TDO2: variants seen among roughly 807,000 people sequenced by gnomAD.
TDO2 encodes tryptamin 2,3-dioxygenase.
In TDO2, 63 loss-of-function variants were observed where a neutral mutation model predicts 61.2. That is an observed-to-expected ratio of 1.03 (90% CI 0.84 to 1.27). The LOEUF (loss-of-function observed/expected upper bound fraction) is 1.27. TDO2 is among the 50% of genes most tolerant of loss of function. TDO2 has a pLI of 0.00. For synonymous variants in TDO2, 183 were observed against 164.0 expected, an observed-to-expected ratio of 1.12 and a Z score of -0.89; for missense variants, 494 against 469.5, an observed-to-expected ratio of 1.05 and a Z score of -0.48.
At chr4:155,905,022 C>T in intron 2 of TDO2, 45 bp from the exon 3 acceptor site, 1 of 1,408,140 alleles carries the variant, frequency 7.1e-7, no homozygotes, top group East Asian at 2.5e-5. Flanking sequence ...TTCATAAAAA[C>T]CAAGTTCTGC....
chr4:155,909,006 T>C lies in TDO2; in HGVS notation c.423T>C (p.Asn141=), dbSNP rs1579326973. Residue 141 remains asparagine (N), a synonymous_variant, in exon 5 of 12, where the codon AAT becomes AAC. Coordinates refer to ENST00000536354, the MANE Select transcript of TDO2 (RefSeq NM_005651.4). The stretch of plus-strand genomic sequence containing the variant: ...AGACGATGACAGCCTTGGACTTCAA[T>C]GACTTCAGGTGTGCACATTTGGCAT... The part of the protein sequence containing the change: ...ILETMTALDF[N]DFREYLSPAS... 2 of 1,603,014 alleles carry C rather than the reference T, an allele frequency of 1.2e-6. No homozygotes were observed. The highest frequency in any genetic ancestry group is 1.8e-4 in the Middle Eastern group (1 of 5,684).
chr4:155,908,874 T>C lies in TDO2; in HGVS notation c.304-13T>C. 6.2e-7 allele frequency: 1 copy of C among 1,607,434 alleles called. No individual in the cohort carries two copies. The highest frequency in any genetic ancestry group is 8.5e-7 in the Non-Finnish European group (1 of 1,177,164). On this transcript the variant is annotated splice_polypyrimidine_tract_variant and intron_variant, in intron 4 of 11. Coordinates refer to ENST00000536354, the MANE Select transcript of TDO2 (RefSeq NM_005651.4). ...AGCATTGCTAACTCAGTGTTTCATT[T>C]CTTAACCTTCAGGTCAGAGATGAAA...
chr4:155,915,761 G>T, intron 8 of TDO2, 94 bp from the exon 9 acceptor site: 1 of 982,044 alleles, frequency 1.0e-6, no homozygotes, highest in Non-Finnish European at 1.5e-6. Flanking sequence ...CTAAACACAT[G>T]TAATCCATTA....
At chr4:155,910,242 C>T in intron 6 of TDO2, 31 bp downstream of exon 6, 2 of 1,475,714 alleles carry the variant, frequency 1.4e-6, no homozygotes, top group Non-Finnish European at 1.8e-6. Context: ...TAAAGTTTAA[C>T]TCAATACATC....
chr4:155,911,430 A>G (rs1742827046), intron 6 of TDO2, 67 bp from the exon 7 acceptor site: 2 of 1,192,356 alleles, frequency 1.7e-6, no homozygotes, highest in Non-Finnish European at 2.4e-6. Context: ...AAGTTTATAC[A>G]TGTCGGTTAC....
rs764503054 is a variant in TDO2, at chr4:155,910,089, G to A, written c.496G>A (p.Gly166Ser). Reference protein sequence around the residue: ...LQFRLLENKIGVLQNMRVPYN... With the variant: ...LQFRLLENKISVLQNMRVPYN... ...ATTCCGACTATTAGAAAACAAGATA[G>A]GTGTTCTTCAGAACATGAGAGTCCC... The change falls in exon 6 of 12, where the codon GGT (glycine) becomes AGT (serine). Residue 166 changes from glycine (G) to serine (S), a missense_variant. Gly to Ser is a moderately conservative substitution (Grantham distance 56). Coordinates refer to ENST00000536354, the MANE Select transcript of TDO2 (RefSeq NM_005651.4). 9 of 1,597,784 alleles carry A rather than the reference G, an allele frequency of 5.6e-6. No individual in the cohort carries two copies. The South Asian group carries it at 6.7e-5, about 12-fold the overall frequency.
intron 11 of TDO2, 77 bp from the exon 12 acceptor site, chr4:155,919,760 G>C: frequency 7.8e-7 from 1 of 1,277,846 alleles, no homozygotes; most frequent in Non-Finnish European, 1.1e-6. Context: ...AAATATCTGA[G>C]AAATAAATTT....
rs778957952 is a variant in TDO2, at chr4:155,910,112, C to G, written c.519C>G (p.Val173=). The G allele has an allele frequency of 1.9e-6, 3 of 1,600,384 alleles. No homozygotes were observed. In the South Asian group the frequency reaches 3.4e-5, roughly 18 times the overall value. The change falls in exon 6 of 12, where the codon GTC becomes GTG. Residue 173 remains valine, a synonymous_variant. Coordinates refer to ENST00000536354, the MANE Select transcript of TDO2 (RefSeq NM_005651.4). ...TAGGTGTTCTTCAGAACATGAGAGT[C>G]CCTTATAACAGAAGACATTATCGTG... ...NKIGVLQNMR[V]PYNRRHYRDN... is the part of the protein sequence containing the mutation.
intron 8 of TDO2, 24 bp downstream of exon 8, chr4:155,914,458 C>T (rs143939576): frequency 6.7e-7 from 1 of 1,502,944 alleles, no homozygotes. Context: ...CTTTATGAAT[C>T]TTTTCCCTGG....
At chr4:155,904,238 G>A in intron 2 of TDO2, 115 bp downstream of exon 2, 1 of 702,416 alleles carries the variant, frequency 1.4e-6, no homozygotes, top group East Asian at 2.7e-5. Context: ...ATCGTTTTCT[G>A]GACCTAAGGA....
chr4:155,903,763 G>A lies in TDO2; in HGVS notation c.5G>A (p.Ser2Asn), dbSNP rs760062469. The change falls in exon 1 of 12, where the codon AGT becomes AAT. Residue 2 changes from serine to asparagine, a missense_variant. Ser to Asn is a conservative substitution (Grantham distance 46). Coordinates refer to ENST00000536354, the MANE Select transcript of TDO2 (RefSeq NM_005651.4). ...CTCAGACAGTGCCTTTTCACCATGAGTGGGTGCCCATTTTTAGGAAACAAC... is the reference window on the plus strand; with the variant it reads ...CTCAGACAGTGCCTTTTCACCATGAATGGGTGCCCATTTTTAGGAAACAAC... The part of the protein sequence containing the change: M[S>N]GCPFLGNNFG... The A allele has an allele frequency of 1.2e-6, 2 of 1,614,044 alleles. No individual in the cohort carries two copies. The highest frequency in any genetic ancestry group is 4.5e-5 in the East Asian group (2 of 44,888).
At chr4:155,909,625 T>C (rs76908119) in intron 5 of TDO2, among the ~76,000 whole-genome samples, 229 of 152,148 alleles carry the variant, frequency 1.5e-3, no homozygotes, top group African/African-American at 5.4e-3. Flanking sequence ...AGATATAATA[T>C]GGGGAGTGGG....
At chr4:155,917,332 GCTC>G in intron 9 of TDO2, 60 bp from the exon 10 acceptor site, 1 of 1,349,434 alleles carries the variant, frequency 7.4e-7, no homozygotes, top group Non-Finnish European at 1.0e-6. Context: ...TCAAACTCAT[GCTC>G]CTCCTAACAC....
intron 6 of TDO2, among the ~76,000 whole-genome samples, chr4:155,910,700 A>AT (rs1271797900): frequency 6.6e-6 from 1 of 152,070 alleles, no homozygotes; most frequent in Non-Finnish European, 1.5e-5. Flanking sequence ...GGAATTATTA[A>AT]TTTTTTCTTC....
chr4:155,916,771 C>T (rs544095309), intron 9 of TDO2, among the ~76,000 whole-genome samples: 2 of 152,074 alleles, frequency 1.3e-5, no homozygotes, highest in African/African-American at 4.8e-5. Flanking sequence ...AAAAAAATAC[C>T]TATATTTACA....
chr4:155,907,914 A>C (rs1742749214), intron 4 of TDO2, 122 bp downstream of exon 4: 3 of 683,444 alleles, frequency 4.4e-6, no homozygotes, highest in Non-Finnish European at 4.9e-6. Context: ...TAGAACAAAC[A>C]GACATTTTAT....
At chr4:155,917,574 C>T in intron 10 of TDO2, 100 bp downstream of exon 10, 1 of 973,900 alleles carries the variant, frequency 1.0e-6, no homozygotes, top group Non-Finnish European at 1.5e-6. Flanking sequence ...TTCTCTCTTT[C>T]CCCCTCCTTT....
rs766616896 is a variant in TDO2, at chr4:155,919,994, C to A, written c.*4C>A. On this transcript the variant is annotated 3_prime_UTR_variant, in exon 12 of 12. Transcript: ENST00000536354. ...CAGCAGTGATGAATCAGATTAAAAT[C>A]GTCTGCAAAATCTATGAAGAATACT... 6.2e-7 allele frequency: 1 copy of A among 1,610,922 alleles called. No individual in the cohort carries two copies. Among genetic ancestry groups the A allele is most frequent in the Non-Finnish European group, 8.5e-7 (1 of 1,178,942 alleles).
intron 4 of TDO2, among the ~76,000 whole-genome samples, chr4:155,908,290 G>A (rs1467680454): frequency 6.6e-6 from 1 of 152,030 alleles, no homozygotes; most frequent in Admixed American, 6.6e-5. Context: ...GAGAGGAGAG[G>A]AGGGAAAGCT....
Sources: allele counts gnomAD v4.1 joint callset (sites outside exome capture counted in the v4.1 genomes callset), GRCh38; gene constraint gnomAD v4.1.1; transcripts MANE v1.5; gene names NCBI Gene and HGNC (gene_info 2026-07-23, HGNC 2026-07-21).